Variants in PCDHA13 observed in about 807,000 individuals in gnomAD.
PCDHA13 encodes the protein protocadherin alpha 13, also known as protocadherin alpha-13.
In PCDHA13, 54 loss-of-function variants were observed where a neutral mutation model predicts 64.8. The ratio of observed to expected loss-of-function variants is 0.83; its 90% CI spans 0.67 to 1.04. The LOEUF is 1.04. PCDHA13 is among the 50% of genes least tolerant of loss of function. The pLI, the probability that PCDHA13 is intolerant of heterozygous loss-of-function variation, is 0.00. For synonymous variants in PCDHA13, 587 were observed against 564.4 expected (o/e 1.04, Z -0.57); for missense variants, 1,248 against 1,254.3 (o/e 0.99, Z 0.08).
intron 1 of PCDHA13, among the ~76,000 whole-genome samples, chr5:140,898,096 G>T (rs2066523889): frequency 6.6e-6 from 1 of 152,034 alleles, no homozygotes; most frequent in South Asian, 2.1e-4. Context: ...TTAGCCCTTT[G>T]TCAGATGAGT....
In PCDHA13 at chr5:140,882,642, A is replaced by C. The variant is rs2153386129; in HGVS notation, c.374A>C (p.Asp125Ala). The change falls in exon 1 of 4, where the codon GAC becomes GCC. Residue 125 changes from aspartate (D) to alanine (A), a missense_variant. Physicochemically the swap from Asp to Ala is moderately radical, Grantham distance 126. Coordinates refer to ENST00000289272, the MANE Select transcript of PCDHA13 (RefSeq NM_018904.3). ...QVFHVEVKVR[D>A]INDNPPIFPE... ...TTCCATGTGGAGGTGAAGGTGAGGG[A>C]CATTAACGACAACCCGCCCATATTC... 1 of 1,614,224 alleles carries C rather than the reference A, an allele frequency of 6.2e-7. No individual in the cohort carries two copies. Among genetic ancestry groups the C allele is most frequent in the East Asian group, 2.2e-5 (1 of 44,884 alleles).
At chr5:140,916,508 T>G (rs2077594251) in intron 1 of PCDHA13, among the ~76,000 whole-genome samples, 1 of 152,200 alleles carries the variant, frequency 6.6e-6, no homozygotes, top group Non-Finnish European at 1.5e-5. Context: ...GTGATTAATC[T>G]TGCCAAGACT....
chr5:141,009,820 CT>C lies in PCDHA13; in HGVS notation c.2738del (p.Phe913SerfsTer2). On this transcript the variant is annotated frameshift_variant, in exon 4 of 4. Transcript: ENST00000289272. LOFTEE classifies it high-confidence loss of function. ...CTAACAGCCAAATTGACAAAAGTGACTTCATAACCTTCGGCAAAAAGGAGGA... is the reference window on the plus strand; with the variant it reads ...CTAACAGCCAAATTGACAAAAGTGACTCATAACCTTCGGCAAAAAGGAGGA... ...PTNSQIDKSDFITFGKKEETK... is the reference protein window; with the variant it reads ...PTNSQIDKSDXITFGKKEETK... 6.2e-7 allele frequency: 1 copy of C among 1,613,960 alleles called. No individual in the cohort carries two copies. Among genetic ancestry groups the C allele is most frequent in the Non-Finnish European group, 8.5e-7 (1 of 1,179,996 alleles).
chr5:140,891,877 T>A (rs2063293050), intron 1 of PCDHA13, among the ~76,000 whole-genome samples: 1 of 152,218 alleles, frequency 6.6e-6, no homozygotes, highest in East Asian at 1.9e-4. Flanking sequence ...TTTGGCTCTG[T>A]CATGTGACGA....
rs185233104 is a variant in PCDHA13, at chr5:140,979,751, C to T, written c.2453+744C>T. 6.6e-5 allele frequency among the ~76,000 whole-genome samples: 10 copies of T among 152,136 alleles called. No individual in the cohort carries two copies. The South Asian group carries it at 1.2e-3, about 19-fold the overall frequency. On this transcript the variant is annotated intron_variant, in intron 2 of 3. Coordinates refer to ENST00000289272, the MANE Select transcript of PCDHA13 (RefSeq NM_018904.3). ...GGCCAAATAAAAGATTCATTATTTG[C>T]GAATGTCTTTGGAAACCAAATGGGA...
At chr5:140,956,504 T>C (rs577559329) in intron 1 of PCDHA13, among the ~76,000 whole-genome samples, 1 of 152,352 alleles carries the variant, frequency 6.6e-6, no homozygotes, top group South Asian at 2.1e-4. Context: ...TGAAGCCTAC[T>C]TGATCATGGT....
intron 1 of PCDHA13, among the ~76,000 whole-genome samples, chr5:140,976,934 C>T (rs995021593): frequency 1.3e-5 from 2 of 152,170 alleles, no homozygotes; most frequent in African/African-American, 2.4e-5. Context: ...TGTGTAGCTA[C>T]TTAAAACATA....
At chr5:140,902,403 T>G (rs1554190429) in intron 1 of PCDHA13, among the ~76,000 whole-genome samples, 1 of 152,102 alleles carries the variant, frequency 6.6e-6, no homozygotes, top group African/African-American at 2.4e-5. Flanking sequence ...TTGAATACTA[T>G]GTTGAATAAC....
chr5:140,958,677 G>C (rs917513084), intron 1 of PCDHA13, among the ~76,000 whole-genome samples: 3 of 152,090 alleles, frequency 2.0e-5, no homozygotes, highest in Non-Finnish European at 2.9e-5. Context: ...TAATTATAAA[G>C]GATATTGAAT....
At chr5:141,005,627 G>A (rs1051972778) in intron 3 of PCDHA13, among the ~76,000 whole-genome samples, 1 of 148,378 alleles carries the variant, frequency 6.7e-6, no homozygotes, top group Non-Finnish European at 1.5e-5. Flanking sequence ...GCGTGAACCC[G>A]GGAGGCGGAG....
chr5:140,990,671 C>T (rs2097406151), intron 3 of PCDHA13, among the ~76,000 whole-genome samples: 2 of 152,176 alleles, frequency 1.3e-5, no homozygotes, highest in South Asian at 4.1e-4. Flanking sequence ...ATTAGATGCA[C>T]ACCAAGCTGC....
intron 1 of PCDHA13, among the ~76,000 whole-genome samples, chr5:140,917,117 C>T (rs1318149439): frequency 3.3e-5 from 5 of 152,018 alleles, no homozygotes; most frequent in South Asian, 2.1e-4. Flanking sequence ...CCTCCAAGTG[C>T]GCAGACTCCC....
In PCDHA13 at chr5:140,886,016, A is replaced by G. The variant is rs192748955; in HGVS notation, c.2394+1354A>G. Among the ~76,000 whole-genome samples the G allele has an allele frequency of 3.1e-3, 468 of 152,290 alleles. 3 individuals are homozygous for G. Among genetic ancestry groups the G allele is most frequent in the Middle Eastern group, 0.014 (4 of 294 alleles). On this transcript the variant is annotated intron_variant, in intron 1 of 3. Transcript: ENST00000289272. ...GAAAGAAATAGTAAAGGGAGATGCTATGTATTCTTCACTAAGTTTTCCCCA... is the reference window on the plus strand; with the variant it reads ...GAAAGAAATAGTAAAGGGAGATGCTGTGTATTCTTCACTAAGTTTTCCCCA...
At chr5:140,967,884 C>T (rs2096194386) in intron 1 of PCDHA13, 2 of 1,614,050 alleles carry the variant, frequency 1.2e-6, no homozygotes, top group African/African-American at 1.3e-5. Context: ...CTGTATAGCC[C>T]AGTGCCTGAG....
At chr5:140,915,244 G>A (rs1440851135) in intron 1 of PCDHA13, among the ~76,000 whole-genome samples, 2 of 152,058 alleles carry the variant, frequency 1.3e-5, no homozygotes, top group Non-Finnish European at 2.9e-5. Flanking sequence ...ACCATGCCTG[G>A]CCAGGTTGTT....
intron 1 of PCDHA13, among the ~76,000 whole-genome samples, chr5:140,925,577 C>T (rs931426226): frequency 2.6e-5 from 4 of 151,714 alleles, no homozygotes; most frequent in Non-Finnish European, 5.9e-5. Context: ...AGCACACCAA[C>T]ATGGCGCATG....
intron 1 of PCDHA13, among the ~76,000 whole-genome samples, chr5:140,965,199 T>C (rs1296377172): frequency 6.6e-6 from 1 of 152,234 alleles, no homozygotes. Context: ...AGGCAATAGA[T>C]TTCAAATTCC....
Position 141,010,304 on chromosome 5 carries a change from A to C in PCDHA13, c.*367A>C. 1.3e-6 allele frequency: 2 copies of C among 1,548,750 alleles called. No homozygotes were observed. Among genetic ancestry groups the C allele is most frequent in the Non-Finnish European group, 8.7e-7 (1 of 1,146,136 alleles). On this transcript the variant is annotated 3_prime_UTR_variant, in exon 4 of 4. Coordinates refer to ENST00000289272, the MANE Select transcript of PCDHA13 (RefSeq NM_018904.3). ...ATGACACTTGCAGGGCAGGCTGAAA[A>C]GTTTTGAGATTGAGCAGCTTGGGAG...
chr5:140,901,681 T>C (rs144868677), intron 1 of PCDHA13, among the ~76,000 whole-genome samples: 8 of 152,316 alleles, frequency 5.3e-5, no homozygotes, highest in African/African-American at 1.7e-4. Context: ...TTAGGTATTA[T>C]GGGTATTTTG....
Sources: allele counts gnomAD v4.1 joint callset (sites outside exome capture counted in the v4.1 genomes callset), GRCh38; gene constraint gnomAD v4.1.1; transcripts MANE v1.5; gene names NCBI Gene and HGNC (gene_info 2026-07-23, HGNC 2026-07-21).